SH3GL2: variants seen among roughly 807,000 people sequenced by gnomAD.
SH3GL2 encodes SH3 domain containing GRB2 like 2, endophilin A1.
SH3GL2 carries 24 observed loss-of-function variants against 46.0 expected under a neutral mutation model. The ratio of observed to expected loss-of-function variants is 0.52; its 90% CI spans 0.38 to 0.73. The LOEUF (loss-of-function observed/expected upper bound fraction) is 0.73, where lower values mean the gene tolerates loss of function less well. Among genes scored for constraint, SH3GL2 ranks in the 30% least tolerant of loss-of-function variants. The pLI, the probability that SH3GL2 is intolerant of heterozygous loss-of-function variation, is 0.00. For missense variants in SH3GL2, 413 were observed against 424.2 expected (o/e 0.97, Z 0.23); for synonymous variants, 196 against 147.1 (o/e 1.33, Z -2.40).
intron 1 of SH3GL2, among the ~76,000 whole-genome samples, chr9:17,731,934 T>C (rs536097283): frequency 6.6e-6 from 1 of 152,140 alleles, no homozygotes; most frequent in East Asian, 1.9e-4. Flanking sequence ...CAGTGACTAT[T>C]TTTAAATGAA....
intron 1 of SH3GL2, among the ~76,000 whole-genome samples, chr9:17,579,595 A>G (rs1588153103): frequency 6.6e-6 from 1 of 152,076 alleles, no homozygotes; most frequent in South Asian, 2.1e-4. Context: ...CCGCGGCTGC[A>G]CTGCTGCCGC....
intron 1 of SH3GL2, among the ~76,000 whole-genome samples, chr9:17,640,194 A>C (rs1045911315): frequency 6.6e-6 from 1 of 152,134 alleles, no homozygotes; most frequent in African/African-American, 2.4e-5. Flanking sequence ...TTTTAAAAAT[A>C]TATAGTCTCT....
intron 3 of SH3GL2, among the ~76,000 whole-genome samples, chr9:17,775,447 T>C (rs1214318133): frequency 6.6e-6 from 1 of 152,208 alleles, no homozygotes; most frequent in Non-Finnish European, 1.5e-5. Flanking sequence ...TGTTGTGTTT[T>C]GCAAGGCTGG....
chr9:17,724,249 A>T (rs562360392), intron 1 of SH3GL2, among the ~76,000 whole-genome samples: 10 of 152,082 alleles, frequency 6.6e-5, no homozygotes, highest in Non-Finnish European at 1.5e-4. Flanking sequence ...TCTTTTGCCC[A>T]TGCAAATGAA....
intron 3 of SH3GL2, among the ~76,000 whole-genome samples, chr9:17,779,660 T>C (rs1823742396): frequency 6.6e-6 from 1 of 152,162 alleles, no homozygotes; most frequent in Non-Finnish European, 1.5e-5. Context: ...AGAAAACTGT[T>C]CTTGAATTTT....
intron 1 of SH3GL2, among the ~76,000 whole-genome samples, chr9:17,660,219 A>G (rs1442350832): frequency 6.9e-6 from 1 of 144,024 alleles, no homozygotes; most frequent in Non-Finnish European, 1.5e-5. Context: ...AATAGTTTCT[A>G]ACACTTAAGC....
At chr9:17,717,355 C>T (rs937548321) in intron 1 of SH3GL2, among the ~76,000 whole-genome samples, 6 of 152,088 alleles carry the variant, frequency 3.9e-5, no homozygotes, top group Admixed American at 6.6e-5. Flanking sequence ...CTTTTACTAA[C>T]CTCCATCCAA....
chr9:17,653,404 A>G (rs1156782418), intron 1 of SH3GL2, among the ~76,000 whole-genome samples: 1 of 151,730 alleles, frequency 6.6e-6, no homozygotes, highest in Non-Finnish European at 1.5e-5. Context: ...CAGATTTTTT[A>G]TCTTATATCT....
At chr9:17,777,308 A>G (rs1823667641) in intron 3 of SH3GL2, among the ~76,000 whole-genome samples, 1 of 152,038 alleles carries the variant, frequency 6.6e-6, no homozygotes, top group Admixed American at 6.5e-5. Flanking sequence ...TAAAAGCTTC[A>G]GAAATCCATG....
chr9:17,740,771 A>G (rs1380885511), intron 1 of SH3GL2, among the ~76,000 whole-genome samples: 2 of 147,684 alleles, frequency 1.4e-5, no homozygotes, highest in East Asian at 3.9e-4. Context: ...TTAAGGAATA[A>G]TAATCCCTTA....
intron 2 of SH3GL2, among the ~76,000 whole-genome samples, chr9:17,751,753 C>G (rs1196153782): frequency 6.6e-6 from 1 of 152,086 alleles, no homozygotes; most frequent in East Asian, 1.9e-4. Context: ...AGAGTTTCAG[C>G]TGGAATGCTC....
intron 1 of SH3GL2, among the ~76,000 whole-genome samples, chr9:17,672,834 A>G (rs1221392354): frequency 6.6e-6 from 1 of 152,212 alleles, no homozygotes; most frequent in African/African-American, 2.4e-5. Flanking sequence ...TTGTGCTTAT[A>G]TGAATGACTT....
At chr9:17,610,505 G>T (rs1818840565) in intron 1 of SH3GL2, among the ~76,000 whole-genome samples, 1 of 152,190 alleles carries the variant, frequency 6.6e-6, no homozygotes, top group Admixed American at 6.5e-5. Context: ...TACATACTTG[G>T]AATGACTAAG....
intron 1 of SH3GL2, among the ~76,000 whole-genome samples, chr9:17,649,486 G>A (rs1165930743): frequency 6.6e-6 from 1 of 152,042 alleles, no homozygotes; most frequent in African/African-American, 2.4e-5. Flanking sequence ...TAATTTAAGT[G>A]AAAAAAATCA....
chr9:17,655,079 A>G (rs1820043502), intron 1 of SH3GL2, among the ~76,000 whole-genome samples: 1 of 152,218 alleles, frequency 6.6e-6, no homozygotes, highest in Non-Finnish European at 1.5e-5. Context: ...TTAGATCAGC[A>G]TGAATTTTCC....
chr9:17,785,178 A>T (rs181490354), intron 3 of SH3GL2, among the ~76,000 whole-genome samples: 1 of 152,180 alleles, frequency 6.6e-6, no homozygotes, highest in Non-Finnish European at 1.5e-5. Context: ...CCCTCCAGGA[A>T]TCCTTTGCGA....
At chr9:17,711,993 G>GT (rs1057387208) in intron 1 of SH3GL2, among the ~76,000 whole-genome samples, 21 of 151,890 alleles carry the variant, frequency 1.4e-4, no homozygotes, top group African/African-American at 4.8e-4. Context: ...AGACTTTTTA[G>GT]TTTTTTCCAC....
intron 3 of SH3GL2, among the ~76,000 whole-genome samples, chr9:17,764,681 G>C (rs1404821425): frequency 7.6e-6 from 1 of 131,724 alleles, no homozygotes; most frequent in East Asian, 2.8e-4. Flanking sequence ...CCGGGTGCTT[G>C]CTGGCTTTCA....
chr9:17,786,966 G>C (rs1314108553), intron 4 of SH3GL2, among the ~76,000 whole-genome samples: 9 of 152,096 alleles, frequency 5.9e-5, no homozygotes, highest in Non-Finnish European at 1.5e-5. Flanking sequence ...CCTTCACCCT[G>C]TCTCCCCCAA....
Sources: gnomAD v4.1 joint callset for allele counts (sites outside exome capture counted in the v4.1 genomes callset) on GRCh38, gnomAD v4.1.1 for gene constraint, MANE v1.5 for transcripts, NCBI Gene and HGNC (gene_info 2026-07-23, HGNC 2026-07-21) for gene names.